The following CLCN7 variants were observed in gnomAD, a reference collection of about 807,000 sequenced individuals.
CLCN7 encodes the protein Cl-/H+ antiporter 7.
In CLCN7, 60 loss-of-function variants were observed where a neutral mutation model predicts 102.1. The observed-to-expected ratio is 0.59, with a 90% CI of 0.48 to 0.73. The LOEUF (loss-of-function observed/expected upper bound fraction) is 0.73. Ranked by LOEUF, CLCN7 falls within the 30% of genes least tolerant of loss-of-function variation. The pLI is 0.00. For synonymous variants in CLCN7, 560 were observed against 490.5 expected, an observed-to-expected ratio of 1.14 and a Z score of -1.87; for missense variants, 962 against 1,125.7, an observed-to-expected ratio of 0.85 and a Z score of 2.08.
At chr16:1,454,008 A>C (rs2038795032) in intron 13 of CLCN7, 114 bp from the exon 14 acceptor site, 3 of 821,398 alleles carry the variant, frequency 3.7e-6, no homozygotes, top group Non-Finnish European at 6.2e-6. Context: ...AGGGGACGGC[A>C]GGGGGCTAGG....
chr16:1,466,367 A>G (rs2039004809), intron 1 of CLCN7, among the ~76,000 whole-genome samples: 1 of 152,194 alleles, frequency 6.6e-6, no homozygotes, highest in Non-Finnish European at 1.5e-5. Context: ...AGGGCCTGGA[A>G]GTGCTTCTTG....
intron 7 of CLCN7, among the ~76,000 whole-genome samples, chr16:1,458,107 T>C (rs958849355): frequency 2.0e-5 from 3 of 152,296 alleles, no homozygotes; most frequent in Admixed American, 6.5e-5. Flanking sequence ...GTGTTCCCGC[T>C]AGCCCCGCCT....
intron 17 of CLCN7, 172 bp downstream of exon 17, chr16:1,450,325 C>T (rs1160114206): frequency 7.2e-6 from 5 of 696,506 alleles, no homozygotes; most frequent in East Asian, 5.4e-5. Context: ...GCTGCCACCA[C>T]AGCAGGACAA....
chr16:1,454,014 C>A, intron 13 of CLCN7, 120 bp from the exon 14 acceptor site: 6 of 891,622 alleles, frequency 6.7e-6, no homozygotes, highest in Non-Finnish European at 1.1e-5. Flanking sequence ...CGGCAGGGGG[C>A]TAGGGGGTCC....
intron 11 of CLCN7, chr16:1,455,471 A>T (rs2038821039): frequency 1.5e-6 from 1 of 645,858 alleles, no homozygotes; most frequent in South Asian, 1.8e-5. Flanking sequence ...GCAAGAGGGG[A>T]AGGTGGGGCA....
At chr16:1,451,213 T>C (rs1053717526) in intron 16 of CLCN7, among the ~76,000 whole-genome samples, 4 of 152,162 alleles carry the variant, frequency 2.6e-5, no homozygotes, top group Admixed American at 6.5e-5. Context: ...GGCTGGGTTT[T>C]CTTTTGTTTT....
rs751786007 is a variant in CLCN7, at chr16:1,475,007, G to A, written c.-33C>T. 3 of 1,428,400 alleles carry A rather than the reference G, an allele frequency of 2.1e-6. No homozygotes were observed. Among genetic ancestry groups the A allele is most frequent in the Non-Finnish European group, 1.8e-6 (2 of 1,087,856 alleles). The allele number at this position is 1,428,400 out of a possible 1,614,324, so 88.5% of individuals were successfully genotyped here. ...CGCGGAGCGACACCGGCCGGGAAGC[G>A]CCGGCTGCCCCCGTGTTTGTTCTCG... On this transcript the variant is annotated 5_prime_UTR_variant, in exon 1 of 25. Coordinates refer to ENST00000382745, the MANE Select transcript of CLCN7 (RefSeq NM_001287.6).
At position 1,460,857 on chromosome 16, in the gene CLCN7, A is replaced by G; in HGVS notation, c.443T>C (p.Val148Ala). 6.2e-7 allele frequency: 1 copy of G among 1,614,032 alleles called. No homozygotes were observed. The highest frequency in any genetic ancestry group is 2.2e-5 in the East Asian group (1 of 44,870). ...GLVACFIDIVVENLAGLKYRV... is the reference protein window; with the variant it reads ...GLVACFIDIVAENLAGLKYRV... ...GTACTTGAGGCCAGCCAGGTTTTCC[A>G]CCACGATGTCAATGAAGCAGGCCAC... Residue 148 changes from valine (V) to alanine (A), a missense_variant, in exon 5 of 25, where the codon GTG (valine) becomes GCG (alanine). Around this residue, in one of 2 missense-constraint regions of CLCN7, gnomAD observed 799 missense variants for 988.0 expected, o/e 0.81. Transcript: ENST00000382745.
In CLCN7 at chr16:1,457,330, G is replaced by C; in HGVS notation, c.746C>G (p.Pro249Arg). 6.2e-7 allele frequency: 1 copy of C among 1,613,540 alleles called. No individual in the cohort carries two copies. The highest frequency in any genetic ancestry group is 8.5e-7 in the Non-Finnish European group (1 of 1,179,846). Reference sequence around the variant, plus strand: ...AATCACTGAACCTGAGTGGATCATCGGCCCTTCCTGGAGACCAGAAGGACC... The same window carrying C: ...AATCACTGAACCTGAGTGGATCATCCGCCCTTCCTGGAGACCAGAAGGACC... Reference protein sequence around the residue: ...VGGLAVGKEGPMIHSGSVIAA... With the variant: ...VGGLAVGKEGRMIHSGSVIAA... Residue 249 changes from proline (P) to arginine (R), a missense_variant, in exon 9 of 25, where the codon CCG becomes CGG. Pro to Arg is a moderately radical substitution (Grantham distance 103). Around this residue, in one of 2 missense-constraint regions of CLCN7, gnomAD observed 799 missense variants for 988.0 expected, o/e 0.81. Coordinates refer to ENST00000382745, the MANE Select transcript of CLCN7 (RefSeq NM_001287.6). This position sits in a 1 kb window ranked among gnomAD's most constrained non-coding sequence, Gnocchi z 5.4.
chr16:1,460,811 G>A lies in CLCN7; in HGVS notation c.484+5C>T. 1 of 1,614,004 alleles carries A rather than the reference G, an allele frequency of 6.2e-7. No individual in the cohort carries two copies. Among genetic ancestry groups the A allele is most frequent in the Non-Finnish European group, 8.5e-7 (1 of 1,179,952 alleles). On this transcript the variant is annotated splice_donor_5th_base_variant and intron_variant, in intron 5 of 24. Coordinates refer to ENST00000382745, the MANE Select transcript of CLCN7 (RefSeq NM_001287.6). ...AAGCTGCAGCGGCCGCACTGGGAAG[G>A]ATACTGCCCTTGATGACCCTGTACT...
At position 1,455,562 on chromosome 16, in the gene CLCN7, G is replaced by T. The variant is rs1230253459; in HGVS notation, c.981+169C>A. The T allele has an allele frequency of 3.8e-6, 3 of 785,946 alleles. No individual in the cohort carries two copies. The African/African-American group carries it at 5.1e-5, about 13-fold the overall frequency. The allele number at this position is 785,946 out of a possible 1,614,324, so 48.7% of individuals were successfully genotyped here. On this transcript the variant is annotated intron_variant, in intron 11 of 24. Transcript: ENST00000382745. ...TGGTGCCCAGGACCAAGGGCGAACT[G>T]GGCAGCAAAGGCAGGACCGCTGCTT...
intron 2 of CLCN7, among the ~76,000 whole-genome samples, chr16:1,463,366 T>G (rs1291648758): frequency 6.6e-6 from 1 of 152,190 alleles, no homozygotes; most frequent in African/African-American, 2.4e-5. Flanking sequence ...CGGGGTGTGA[T>G]GCACCTGTGG....
At chr16:1,461,192 C>T (rs926521195) in intron 4 of CLCN7, among the ~76,000 whole-genome samples, 3 of 152,364 alleles carry the variant, frequency 2.0e-5, no homozygotes, top group Admixed American at 6.5e-5. Flanking sequence ...TGCTGGGCAC[C>T]GCATCTGGCG....
chr16:1,460,961 G>A lies in CLCN7; in HGVS notation c.352-13C>T. ...CCGTCCGGAAGGCCTGCAGGGCGCG[G>A]TCAGGGCGAGGGTCAGGCAGGGCCC... On this transcript the variant is annotated splice_polypyrimidine_tract_variant and intron_variant, in intron 4 of 24. Coordinates refer to ENST00000382745, the MANE Select transcript of CLCN7 (RefSeq NM_001287.6). The A allele has an allele frequency of 6.2e-7, 1 of 1,611,970 alleles. No homozygotes were observed. Among genetic ancestry groups the A allele is most frequent in the Non-Finnish European group, 8.5e-7 (1 of 1,179,792 alleles).
intron 6 of CLCN7, 113 bp downstream of exon 6, chr16:1,460,305 G>A: frequency 2.5e-6 from 2 of 794,348 alleles, no homozygotes; most frequent in Non-Finnish European, 4.3e-6. Flanking sequence ...AAGTGCCCGG[G>A]TTGTCAGCCA....
chr16:1,448,279 C>A, intron 21 of CLCN7, 76 bp downstream of exon 21: 3 of 1,588,834 alleles, frequency 1.9e-6, no homozygotes, highest in Admixed American at 1.7e-5. Flanking sequence ...ATCCTGCAAA[C>A]CTTGCCGTGT....
At chr16:1,473,082 C>G (rs77727761) in intron 1 of CLCN7, among the ~76,000 whole-genome samples, 1 of 145,710 alleles carries the variant, frequency 6.9e-6, no homozygotes, top group African/African-American at 2.6e-5. Flanking sequence ...TCTTTTAAAA[C>G]AGAAACACAC....
At chr16:1,464,495 C>T (rs994930435) in intron 2 of CLCN7, among the ~76,000 whole-genome samples, 8 of 152,254 alleles carry the variant, frequency 5.3e-5, no homozygotes, top group Admixed American at 1.3e-4. Flanking sequence ...AGGGCAGCCC[C>T]GGAAGAGGCG....
intron 1 of CLCN7, 65 bp downstream of exon 1, chr16:1,474,769 C>G (rs2039127437): frequency 8.6e-7 from 1 of 1,161,596 alleles, no homozygotes; most frequent in Non-Finnish European, 1.1e-6. Flanking sequence ...AGAAGGCTCA[C>G]GAGGGCGCGG....
Sources: allele counts gnomAD v4.1 joint callset (sites outside exome capture counted in the v4.1 genomes callset), GRCh38; gene constraint gnomAD v4.1.1; regional missense constraint gnomAD v4.1.1; non-coding constraint Gnocchi (gnomAD v3.1); transcripts MANE v1.5; gene names NCBI Gene and HGNC (gene_info 2026-07-23, HGNC 2026-07-21).